Variants in SLC35D1 observed in about 807,000 individuals in gnomAD.
The protein encoded by SLC35D1 is solute carrier family 35 member D1, also known as nucleotide sugar transporter SLC35D1.
In SLC35D1, 31 loss-of-function variants were observed where a neutral mutation model predicts 46.7. The ratio of observed to expected loss-of-function variants is 0.66; its 90% CI spans 0.50 to 0.90. SLC35D1 has a LOEUF of 0.90. Ranked by LOEUF, SLC35D1 falls within the 40% of genes least tolerant of loss-of-function variation. The probability of loss-of-function intolerance (pLI) is 0.00; values close to 1 mark genes in which losing one functional copy is unlikely to be tolerated. For missense variants in SLC35D1, 397 were observed against 426.2 expected, an observed-to-expected ratio of 0.93 and a Z score of 0.60; for synonymous variants, 195 against 164.6, an observed-to-expected ratio of 1.18 and a Z score of -1.41.
intron 7 of SLC35D1, among the ~76,000 whole-genome samples, chr1:67,045,323 G>A (rs1472115698): frequency 1.3e-5 from 2 of 152,134 alleles, no homozygotes; most frequent in Non-Finnish European, 2.9e-5. Context: ...ACACTGTTAC[G>A]CATCATAAAT....
At chr1:67,014,670 G>GTTTTTTTTTTTTTTTTT (rs34459732) in intron 10 of SLC35D1, among the ~76,000 whole-genome samples, 1 of 99,974 alleles carries the variant, frequency 1.0e-5, no homozygotes, top group Non-Finnish European at 1.9e-5. Context: ...TCAATTTTTA[G>GTTTTTTTTTTTTTTTTT]TTTTTTTTTT....
chr1:67,048,958 T>C (rs562679802), intron 6 of SLC35D1, among the ~76,000 whole-genome samples: 1 of 152,304 alleles, frequency 6.6e-6, no homozygotes, highest in East Asian at 1.9e-4. Context: ...TTTCCTCACC[T>C]CACAGAAGAG....
At chr1:66,990,785 C>T in the SLC35D1 span, among the ~76,000 whole-genome samples, 3 of 152,092 alleles carry the variant, frequency 2.0e-5, no homozygotes, top group Admixed American at 6.5e-5. Context: ...GGCCAGACCC[C>T]CTTATTAAAG....
At chr1:67,031,767 T>TGA (rs898237537) in intron 8 of SLC35D1, among the ~76,000 whole-genome samples, 4 of 152,176 alleles carry the variant, frequency 2.6e-5, no homozygotes, top group Non-Finnish European at 5.9e-5. Flanking sequence ...GAGGATCAAC[T>TGA]GAGAGACTAA....
chr1:67,015,980 T>A (rs936712696), intron 10 of SLC35D1, among the ~76,000 whole-genome samples: 1 of 152,058 alleles, frequency 6.6e-6, no homozygotes, highest in African/African-American at 2.4e-5. Context: ...TCAAATTCAG[T>A]TTTTTTGACC....
At chr1:67,016,339 C>T (rs933426950) in intron 10 of SLC35D1, among the ~76,000 whole-genome samples, 2 of 151,988 alleles carry the variant, frequency 1.3e-5, no homozygotes, top group Non-Finnish European at 2.9e-5. Context: ...AGTTTACAAT[C>T]GGTAGAGTCC....
Position 67,004,428 on chromosome 1 carries a change from T to C in SLC35D1, c.980A>G (p.Tyr327Cys). 1 of 1,613,990 alleles carries C rather than the reference T, an allele frequency of 6.2e-7. No homozygotes were observed. The highest frequency in any genetic ancestry group is 8.5e-7 in the Non-Finnish European group (1 of 1,179,912). The part of the protein sequence containing the change: ...LNISIAGSLV[Y>C]SYITFTEEQL... ...CTCTTCAGTGAAAGTGATATAGGAA[T>C]ATACCAGGCTCCCAGCAATGCTGCA... The change falls in exon 12 of 12, where the codon TAT becomes TGT. Residue 327 changes from tyrosine (Y) to cysteine (C), a missense_variant. Transcript: ENST00000235345.
intron 6 of SLC35D1, among the ~76,000 whole-genome samples, chr1:67,049,104 C>T (rs917447344): frequency 2.6e-5 from 4 of 152,102 alleles, no homozygotes; most frequent in African/African-American, 9.7e-5. Flanking sequence ...ACCATCCTGG[C>T]TAACATGGTG....
chr1:66,997,553 AGATATATCTGTGTGTG>A (rs1333592062), downstream of SLC35D1, among the ~76,000 whole-genome samples: 385 of 125,996 alleles, frequency 3.1e-3, 2 homozygotes, highest in African/African-American at 9.8e-3. Context: ...CTTTAGATAT[AGATATATCTGTGTGTG>A]TATATATATA....
intron 8 of SLC35D1, among the ~76,000 whole-genome samples, chr1:67,040,233 G>A (rs1165575992): frequency 6.6e-6 from 1 of 152,074 alleles, no homozygotes; most frequent in Non-Finnish European, 1.5e-5. Context: ...CTAGGCTCAA[G>A]CAATCTGCTC....
At chr1:67,052,113 TA>T in intron 3 of SLC35D1, 34 bp from the exon 4 acceptor site, 1 of 1,372,652 alleles carries the variant, frequency 7.3e-7, no homozygotes, top group East Asian at 2.3e-5. Context: ...CAAAACTCAA[TA>T]ATAAAGATAG....
chr1:67,052,545 A>G (rs1323381852), intron 3 of SLC35D1, among the ~76,000 whole-genome samples: 1 of 152,214 alleles, frequency 6.6e-6, no homozygotes, highest in Non-Finnish European at 1.5e-5. Flanking sequence ...AGTGTGCATT[A>G]ATTAAAAACA....
In SLC35D1 at chr1:67,052,812, C is replaced by T. The variant is rs1645324302; in HGVS notation, c.283G>A (p.Val95Ile). The change falls in exon 3 of 12, where the codon GTA becomes ATA. Residue 95 changes from valine (V) to isoleucine (I), a missense_variant. By Grantham distance (29) the Val-to-Ile change is conservative (BLOSUM62 3). Transcript: ENST00000235345. ...AVLWVGKALRVVKFPDLDRNV... is the reference protein window; with the variant it reads ...AVLWVGKALRIVKFPDLDRNV... ...CTGTCAAGGTCAGGAAACTTGACTACTCTGAGCGCCTTTCCCACCCAGAGA... is the reference window on the plus strand; with the variant it reads ...CTGTCAAGGTCAGGAAACTTGACTATTCTGAGCGCCTTTCCCACCCAGAGA... 2.5e-6 allele frequency: 4 copies of T among 1,614,076 alleles called. No homozygotes were observed. The South Asian group carries it at 3.3e-5, about 13-fold the overall frequency.
At chr1:66,985,251 A>G in the SLC35D1 span, 1 of 976,672 alleles carries the variant, frequency 1.0e-6, no homozygotes, top group Non-Finnish European at 1.2e-6. Context: ...TAATCATAAA[A>G]TTTCACTACA....
chr1:67,035,627 G>A (rs955466457), intron 8 of SLC35D1, among the ~76,000 whole-genome samples: 29 of 150,870 alleles, frequency 1.9e-4, no homozygotes, highest in African/African-American at 6.1e-4. Flanking sequence ...TTTCATTTCA[G>A]AAAACCAACT....
intron 1 of SLC35D1, 116 bp downstream of exon 1, chr1:67,053,695 C>T (rs1279815705): frequency 1.4e-5 from 15 of 1,069,830 alleles, no homozygotes; most frequent in Non-Finnish European, 1.8e-5. Flanking sequence ...TCCCCAGCTC[C>T]CGCCCAACTT....
chr1:66,997,754 T>G (rs1351403000), downstream of SLC35D1, among the ~76,000 whole-genome samples: 1 of 146,936 alleles, frequency 6.8e-6, no homozygotes, highest in African/African-American at 2.5e-5. Flanking sequence ...GTTAAATATA[T>G]ATATATCCTT....
intron 10 of SLC35D1, among the ~76,000 whole-genome samples, chr1:67,019,968 C>G (rs1022751555): frequency 4.6e-5 from 7 of 152,040 alleles, no homozygotes; most frequent in African/African-American, 2.4e-5. Context: ...GAAAACCCCC[C>G]CAATTAGCTT....
At chr1:66,999,186 T>G (rs1667281424), downstream of SLC35D1, 1 of 152,110 alleles carries the variant, frequency 6.6e-6, no homozygotes, top group African/African-American at 2.4e-5. Context: ...TCCTTCTAAT[T>G]TACCACAAGT....
Sources: gnomAD v4.1 joint callset for allele counts (sites outside exome capture counted in the v4.1 genomes callset) on GRCh38, gnomAD v4.1.1 for gene constraint, MANE v1.5 for transcripts, NCBI Gene and HGNC (gene_info 2026-07-23, HGNC 2026-07-21) for gene names.